PCDHGA9: variants seen among roughly 807,000 people sequenced by gnomAD.
The protein encoded by PCDHGA9 is protocadherin gamma subfamily A, 9, also known as protocadherin gamma-A9.
In PCDHGA9, 37 loss-of-function variants were observed where a neutral mutation model predicts 62.5. That is an observed-to-expected ratio of 0.59 (90% CI 0.46 to 0.78). PCDHGA9 has a LOEUF of 0.78. Ranked by LOEUF, PCDHGA9 falls within the 30% of genes least tolerant of loss-of-function variation. The pLI is 0.00. For synonymous variants in PCDHGA9, 459 were observed against 484.6 expected, an observed-to-expected ratio of 0.95 and a Z score of 0.69; for missense variants, 1,138 against 1,166.2, an observed-to-expected ratio of 0.98 and a Z score of 0.35.
chr5:141,430,686 C>G, intron 1 of PCDHGA9: 1 of 1,397,218 alleles, frequency 7.2e-7, no homozygotes, highest in Non-Finnish European at 9.5e-7. Context: ...CTGTCCCATT[C>G]TATGGGCGAA....
At position 141,432,716 on chromosome 5, in the gene PCDHGA9, C is replaced by A; in HGVS notation, c.2424+27340C>A. 6.2e-7 allele frequency: 1 copy of A among 1,614,030 alleles called. No individual in the cohort carries two copies. The highest frequency in any genetic ancestry group is 1.1e-5 in the South Asian group (1 of 91,084). ...GGCCGTCCAGGACCACGGCCAGCCC[C>A]CTCTCTCCGCCACTGTCACGCTCAC... On this transcript the variant is annotated intron_variant, in intron 1 of 3. Transcript: ENST00000573521. This position sits in a 1 kb window ranked among gnomAD's most constrained non-coding sequence, Gnocchi z 6.0.
chr5:141,509,839 T>C (rs1277859334), intron 3 of PCDHGA9, among the ~76,000 whole-genome samples: 4 of 152,162 alleles, frequency 2.6e-5, no homozygotes, highest in Non-Finnish European at 5.9e-5. Context: ...CTACCTCCCA[T>C]TCACTCAGAA....
chr5:141,500,207 T>G (rs932015076), intron 2 of PCDHGA9, among the ~76,000 whole-genome samples: 2 of 150,136 alleles, frequency 1.3e-5, no homozygotes, highest in African/African-American at 4.9e-5. Context: ...TTTATTTATT[T>G]ATTTATTTAT....
At chr5:141,448,984 A>C (rs2098621334) in intron 1 of PCDHGA9, among the ~76,000 whole-genome samples, 1 of 152,086 alleles carries the variant, frequency 6.6e-6, no homozygotes, top group Non-Finnish European at 1.5e-5. Context: ...CTTCCATATT[A>C]ATATATAGAA....
chr5:141,412,396 A>G (rs2095553141), intron 1 of PCDHGA9: 1 of 152,216 alleles, frequency 6.6e-6, no homozygotes, highest in Non-Finnish European at 1.5e-5. Flanking sequence ...TTTAACTTGT[A>G]TCCCTGTAAG....
At chr5:141,435,391 A>C (rs1328617100) in intron 1 of PCDHGA9, among the ~76,000 whole-genome samples, 5 of 152,202 alleles carry the variant, frequency 3.3e-5, no homozygotes, top group African/African-American at 1.2e-4. Flanking sequence ...CCGTATTGCC[A>C]TGACGAAAAA....
rs761202330 is a variant in PCDHGA9 at position 141,489,878 on chromosome 5, C to T, written c.2425-4929C>T. 1.1e-5 allele frequency: 17 copies of T among 1,614,116 alleles called. No individual in the cohort carries two copies. In the East Asian group the frequency reaches 3.6e-4, roughly 34 times the overall value. On this transcript the variant is annotated intron_variant, in intron 1 of 3. Transcript: ENST00000573521. This position sits in a 1 kb window ranked among gnomAD's most constrained non-coding sequence, Gnocchi z 4.5. ...CAGGCAAGACATCAGCTGGTGCTTA[C>T]TGCTGTGGATGGGGGGACCCCAGCC... is the stretch of plus-strand genomic sequence containing the variant.
intron 1 of PCDHGA9, among the ~76,000 whole-genome samples, chr5:141,466,360 G>A (rs2099121274): frequency 6.6e-6 from 1 of 152,070 alleles, no homozygotes; most frequent in South Asian, 2.1e-4. Context: ...TAATCTAGAT[G>A]TAATGGTTTT....
At chr5:141,428,245 C>A in intron 1 of PCDHGA9, 1 of 948,140 alleles carries the variant, frequency 1.1e-6, no homozygotes, top group South Asian at 1.4e-5. Flanking sequence ...GGAGGCACTG[C>A]CAGACTTCAG....
At chr5:141,484,425 A>G (rs2099596309) in intron 1 of PCDHGA9, among the ~76,000 whole-genome samples, 3 of 152,192 alleles carry the variant, frequency 2.0e-5, no homozygotes, top group African/African-American at 7.2e-5. Flanking sequence ...TACAATGAGA[A>G]CATGTACTGC....
chr5:141,468,226 G>T (rs967204965), intron 1 of PCDHGA9, among the ~76,000 whole-genome samples: 2 of 151,038 alleles, frequency 1.3e-5, no homozygotes, highest in Admixed American at 1.3e-4. Flanking sequence ...TTGGGAGGAT[G>T]AGGTAGGAGA....
At chr5:141,421,582 G>A (rs531591776) in intron 1 of PCDHGA9, 4 of 1,613,874 alleles carry the variant, frequency 2.5e-6, no homozygotes, top group Non-Finnish European at 2.5e-6. Flanking sequence ...GAAGATTTAC[G>A]GAGTGGAGGT....
At chr5:141,421,638 C>G (rs775131295) in intron 1 of PCDHGA9, 2 of 1,613,770 alleles carry the variant, frequency 1.2e-6, no homozygotes, top group South Asian at 1.1e-5. Context: ...TCCAGGAGGA[C>G]GAAGTGGAGA....
chr5:141,489,222 A>C lies in PCDHGA9; in HGVS notation c.2425-5585A>C. On this transcript the variant is annotated intron_variant, in intron 1 of 3. Coordinates refer to ENST00000573521, the MANE Select transcript of PCDHGA9 (RefSeq NM_018921.3). The surrounding 1 kb of genome is among the most constrained non-coding windows in gnomAD (Gnocchi z 4.5). ...ACAGGACAGCACAGACTTACTCTCC[A>C]CAAAGGGACTTCTGGGTCATGGGGC... 6.6e-7 allele frequency: 1 copy of C among 1,515,652 alleles called. No individual in the cohort carries two copies. Among genetic ancestry groups the C allele is most frequent in the Middle Eastern group, 1.8e-4 (1 of 5,598 alleles). 93.9% of individuals were successfully genotyped at this position (1,515,652 alleles called of 1,614,324 possible).
At chr5:141,458,058 C>T (rs997664641) in intron 1 of PCDHGA9, among the ~76,000 whole-genome samples, 3 of 152,196 alleles carry the variant, frequency 2.0e-5, no homozygotes, top group Non-Finnish European at 4.4e-5. Context: ...TCTTGCTGCA[C>T]TGATGCGAAC....
chr5:141,419,845 G>A, intron 1 of PCDHGA9: 3 of 1,614,064 alleles, frequency 1.9e-6, no homozygotes, highest in Non-Finnish European at 2.5e-6. Context: ...CGCTGCACCT[G>A]GTGTTCGCAG....
chr5:141,489,178 C>T lies in PCDHGA9; in HGVS notation c.2425-5629C>T, dbSNP rs909255357. ...GAGACTTCAGCTGCTGCATTCCAAG[C>T]CCTGGGTCTACCTTGGAGACAGGAC... On this transcript the variant is annotated intron_variant, in intron 1 of 3. Transcript: ENST00000573521. This position sits in a 1 kb window ranked among gnomAD's most constrained non-coding sequence, Gnocchi z 4.5. 54 of 1,234,872 alleles carry T rather than the reference C, an allele frequency of 4.4e-5. 1 individual carries two copies. In the East Asian group the frequency reaches 1.2e-3, roughly 29 times the overall value. 76.5% of individuals were successfully genotyped at this position (1,234,872 alleles called of 1,614,324 possible). A position where few individuals can be genotyped will look rare whatever the true frequency, so the allele number is the denominator to read the frequency against.
intron 1 of PCDHGA9, chr5:141,427,490 T>C (rs752745429): frequency 1.8e-6 from 1 of 551,082 alleles, no homozygotes; most frequent in Non-Finnish European, 3.5e-6. Flanking sequence ...ACTATAAGCT[T>C]GTAACAGATG....
rs61612330 is a variant in PCDHGA9 at position 141,454,796 on chromosome 5, A to ATTTTTTTTT, written c.2425-39990_2425-39982dup. Among the ~76,000 whole-genome samples the ATTTTTTTTT allele has an allele frequency of 8.2e-3, 638 of 77,468 alleles. 91 individuals carry two copies. The highest frequency in any genetic ancestry group is 0.025 in the African/African-American group (426 of 16,886). 50.8% of individuals were successfully genotyped at this position (77,468 alleles called of 152,430 possible). On this transcript the variant is annotated intron_variant, in intron 1 of 3. Coordinates refer to ENST00000573521, the MANE Select transcript of PCDHGA9 (RefSeq NM_018921.3). ...AAGGAAATAATCCTCCATGGTTCTA[A>ATTTTTTTTT]TTTTTTTTTTTTTTTTTTTTTTTTT...
Sources: allele counts gnomAD v4.1 joint callset (sites outside exome capture counted in the v4.1 genomes callset), GRCh38; gene constraint gnomAD v4.1.1; non-coding constraint Gnocchi (gnomAD v3.1); transcripts MANE v1.5; gene names NCBI Gene and HGNC (gene_info 2026-07-23, HGNC 2026-07-21).